Variants in NINL observed in about 807,000 individuals in gnomAD.
The protein encoded by NINL is ninein like, also known as ninein-like protein.
A neutral mutation model predicts 160.3 loss-of-function variants in NINL; 153 were observed. The observed-to-expected ratio is 0.95, with a 90% CI of 0.84 to 1.09. The LOEUF is 1.09. Among genes scored for constraint, NINL ranks in the 50% least tolerant of loss-of-function variants. NINL has a pLI of 0.00. For missense variants in NINL, 1,829 were observed against 1,764.0 expected (o/e 1.04, Z -0.66); for synonymous variants, 800 against 734.8 (o/e 1.09, Z -1.43).
In NINL at chr20:25,453,365, G is replaced by T; in HGVS notation, c.*86C>A. On this transcript the variant is annotated 3_prime_UTR_variant, in exon 24 of 24. Coordinates refer to ENST00000278886, the MANE Select transcript of NINL (RefSeq NM_025176.6). Reference sequence around the variant, plus strand: ...AATCCTCAGATGTCCCAGGACTCATGGCTCATGACCCACGGAATCTAAGGC... The same window carrying T: ...AATCCTCAGATGTCCCAGGACTCATTGCTCATGACCCACGGAATCTAAGGC... 8.2e-7 allele frequency: 1 copy of T among 1,226,924 alleles called. No homozygotes were observed. The highest frequency in any genetic ancestry group is 1.2e-6 in the Non-Finnish European group (1 of 868,424). 76.0% of individuals were successfully genotyped at this position (1,226,924 alleles called of 1,614,324 possible).
In NINL at chr20:25,462,532, A is replaced by T. The variant is rs1850846355; in HGVS notation, c.3433T>A (p.Tyr1145Asn). 6.2e-7 allele frequency: 1 copy of T among 1,606,384 alleles called. No individual in the cohort carries two copies. The highest frequency in any genetic ancestry group is 1.3e-5 in the African/African-American group (1 of 74,504). ...MEVLNRQNQN[Y>N]KDQLSQLNVR... The stretch of plus-strand genomic sequence containing the variant: ...TTGAGCTGGGATAATTGATCCTTGT[A>T]GTTCTGATTCTGGGGGAAAAAGTTT... Residue 1145 changes from tyrosine to asparagine, a missense_variant, in exon 20 of 24, where the codon TAC becomes AAC. Coordinates refer to ENST00000278886, the MANE Select transcript of NINL (RefSeq NM_025176.6).
intron 11 of NINL, 63 bp downstream of exon 11, chr20:25,491,288 C>A: frequency 1.3e-6 from 2 of 1,528,634 alleles, no homozygotes; most frequent in Non-Finnish European, 1.8e-6. Context: ...ACCAGGATGA[C>A]GTGGGTGTGG....
intron 5 of NINL, 37 bp from the exon 6 acceptor site, chr20:25,505,115 C>T (rs2063937889): frequency 1.3e-6 from 2 of 1,506,438 alleles, no homozygotes; most frequent in Non-Finnish European, 8.9e-7. Context: ...CACCCTGATA[C>T]ATACACAATG....
chr20:25,527,856 T>C (rs2064386618), intron 1 of NINL, among the ~76,000 whole-genome samples: 1 of 152,100 alleles, frequency 6.6e-6, no homozygotes, highest in African/African-American at 2.4e-5. Context: ...TCTACTTACA[T>C]GAAATTCCTT....
intron 21 of NINL, among the ~76,000 whole-genome samples, chr20:25,459,986 G>A (rs944744890): frequency 6.6e-6 from 1 of 152,154 alleles, no homozygotes; most frequent in African/African-American, 2.4e-5. Flanking sequence ...CCCATCCTGA[G>A]TGCAGCCACC....
chr20:25,485,044 G>A lies in NINL; in HGVS notation c.1678-2944C>T, dbSNP rs1198751266. On this transcript the variant is annotated intron_variant, in intron 13 of 23. Coordinates refer to ENST00000278886, the MANE Select transcript of NINL (RefSeq NM_025176.6). ...AGGAAACATCAGAAACACACAAAAC[G>A]GGAACGTTGCTATGAAAAAGCGAGG... is the stretch of plus-strand genomic sequence containing the variant. 1.5e-4 allele frequency among the ~76,000 whole-genome samples: 23 copies of A among 152,076 alleles called. 1 individual carries two copies. Among genetic ancestry groups the A allele is most frequent in the Admixed American group, 1.4e-3 (21 of 15,270 alleles).
chr20:25,541,905 C>A (rs1189858659), intron 1 of NINL, among the ~76,000 whole-genome samples: 3 of 152,284 alleles, frequency 2.0e-5, no homozygotes, highest in Middle Eastern at 3.4e-3. Flanking sequence ...ACTGTGCACA[C>A]CAGCAGGGCA....
chr20:25,472,324 G>GATATATATAT lies in NINL; in HGVS notation c.3249-2239_3249-2230dup, dbSNP rs56260321. Among the ~76,000 whole-genome samples the GATATATATAT allele has an allele frequency of 3.7e-3, 310 of 83,878 alleles. 4 individuals carry two copies. Among genetic ancestry groups the GATATATATAT allele is most frequent in the Non-Finnish European group, 4.8e-3 (206 of 42,496 alleles). 55.0% of individuals were successfully genotyped at this position (83,878 alleles called of 152,430 possible). A position where few individuals can be genotyped will look rare whatever the true frequency, so the allele number is the denominator to read the frequency against. Reference sequence around the variant, plus strand: ...ATTGAAGAAAATAGTGGGAGGAGAGGATATATATATATATATATATATATA... The same window carrying GATATATATAT: ...ATTGAAGAAAATAGTGGGAGGAGAGGATATATATATATATATATATATATATATATATATA... On this transcript the variant is annotated intron_variant, in intron 17 of 23. Transcript: ENST00000278886.
chr20:25,458,752 A>G, intron 21 of NINL: 1 of 520,174 alleles, frequency 1.9e-6, no homozygotes, highest in Non-Finnish European at 3.3e-6. Flanking sequence ...TGCAGAAAAC[A>G]TGTCCATCAC....
rs77659577 is a variant in NINL at position 25,463,707 on chromosome 20, C to T, written c.3424-1166G>A. ...CTCTCAGCACAATCGACCACGCACA[C>T]GTCACCTTCCCAGAGTGACGCCCAC... On this transcript the variant is annotated intron_variant, in intron 19 of 23. Transcript: ENST00000278886. Among the ~76,000 whole-genome samples the T allele has an allele frequency of 2.9e-3, 448 of 152,368 alleles. 1 individual carries two copies. The highest frequency in any genetic ancestry group is 0.01 in the African/African-American group (424 of 41,588).
chr20:25,486,519 C>T (rs1406528701), intron 13 of NINL, among the ~76,000 whole-genome samples: 1 of 152,234 alleles, frequency 6.6e-6, no homozygotes, highest in Non-Finnish European at 1.5e-5. Context: ...CATGCAGCTG[C>T]AGTCCTAGCA....
chr20:25,455,659 C>T lies in NINL; in HGVS notation c.3957+14G>A, dbSNP rs190836051. 6.4e-4 allele frequency: 1,001 copies of T among 1,572,710 alleles called. 3 individuals carry two copies. In the African/African-American group the frequency reaches 8.2e-3, roughly 13 times the overall value. ...GAGGACGTGAACACGAAAGCAGCAG[C>T]GCCCATCACTCACCTGCTCCTTCAG... On this transcript the variant is annotated intron_variant, in intron 23 of 23. Transcript: ENST00000278886.
At chr20:25,554,636 C>CAAAAAAAAAAAAAA in intron 1 of NINL, among the ~76,000 whole-genome samples, 1 of 85,786 alleles carries the variant, frequency 1.2e-5, no homozygotes, top group Non-Finnish European at 2.1e-5. Flanking sequence ...AAAAAAAAAA[C>CAAAAAAAAAAAAAA]AAAAAAAAAA....
At chr20:25,508,093 G>A (rs2063996862) in intron 5 of NINL, among the ~76,000 whole-genome samples, 1 of 152,232 alleles carries the variant, frequency 6.6e-6, no homozygotes, top group Non-Finnish European at 1.5e-5. Context: ...AGACACGGCA[G>A]CTTGGCTGAC....
At chr20:25,560,820 C>T (rs2064924972) in intron 1 of NINL, among the ~76,000 whole-genome samples, 1 of 151,900 alleles carries the variant, frequency 6.6e-6, no homozygotes, top group Admixed American at 6.6e-5. Context: ...AAATGACAGC[C>T]ACAACAACAA....
chr20:25,579,781 C>T (rs1600377896), intron 1 of NINL, among the ~76,000 whole-genome samples: 1 of 152,308 alleles, frequency 6.6e-6, no homozygotes, highest in East Asian at 1.9e-4. Context: ...AGGGCCACTT[C>T]AACAATGGAG....
chr20:25,533,749 C>A (rs1446972741), intron 1 of NINL, among the ~76,000 whole-genome samples: 1 of 152,190 alleles, frequency 6.6e-6, no homozygotes. Flanking sequence ...CTCAGTTTAA[C>A]CCTTGCTTTC....
chr20:25,522,499 T>A (rs187805838), intron 2 of NINL, among the ~76,000 whole-genome samples: 2 of 152,362 alleles, frequency 1.3e-5, no homozygotes, highest in Admixed American at 1.3e-4. Context: ...ATACCTTGAA[T>A]GCATGTCCTT....
At chr20:25,552,075 A>G (rs2064812742) in intron 1 of NINL, among the ~76,000 whole-genome samples, 1 of 152,162 alleles carries the variant, frequency 6.6e-6, no homozygotes, top group South Asian at 2.1e-4. Context: ...TGTTTGGGGA[A>G]AAAGAACAGC....
Sources: allele counts gnomAD v4.1 joint callset (sites outside exome capture counted in the v4.1 genomes callset), GRCh38; gene constraint gnomAD v4.1.1; transcripts MANE v1.5; gene names NCBI Gene and HGNC (gene_info 2026-07-23, HGNC 2026-07-21).